The following NEMF variants were observed in gnomAD, a reference collection of about 807,000 sequenced individuals.
NEMF encodes nuclear export mediator factor, also known as ribosome quality control complex subunit NEMF.
In NEMF, 89 loss-of-function variants were observed where a neutral mutation model predicts 162.2. The ratio of observed to expected loss-of-function variants is 0.55; its 90% CI spans 0.46 to 0.65. The LOEUF is 0.65. Among genes scored for constraint, NEMF ranks in the 30% least tolerant of loss-of-function variants. The pLI is 0.00. For missense variants in NEMF, 1,133 were observed against 1,261.9 expected (o/e 0.90, Z 1.55); for synonymous variants, 421 against 404.5 (o/e 1.04, Z -0.49).
chr14:49,785,575 TAC>T (rs148985928), intron 29 of NEMF: 1 of 381,538 alleles, frequency 2.6e-6, no homozygotes. Context: ...AAATCCTACC[TAC>T]AGTTACATTT....
chr14:49,809,056 A>G (rs1000943755), intron 18 of NEMF, among the ~76,000 whole-genome samples: 4 of 152,288 alleles, frequency 2.6e-5, no homozygotes, highest in Non-Finnish European at 4.4e-5. Context: ...GTGGAACAAC[A>G]GGAACTCCCA....
chr14:49,826,285 T>C (rs1156972775), intron 15 of NEMF, among the ~76,000 whole-genome samples: 3 of 152,094 alleles, frequency 2.0e-5, no homozygotes, highest in Admixed American at 1.3e-4. Flanking sequence ...ATTAGAGATA[T>C]AAGAGTGAAC....
intron 4 of NEMF, among the ~76,000 whole-genome samples, chr14:49,844,615 C>T (rs1031153135): frequency 1.3e-5 from 2 of 152,080 alleles, no homozygotes; most frequent in South Asian, 4.1e-4. Context: ...ATACTGCACA[C>T]TTGGGCTACA....
chr14:49,828,180 T>A, intron 15 of NEMF, 111 bp downstream of exon 15: 2 of 823,538 alleles, frequency 2.4e-6, no homozygotes, highest in Non-Finnish European at 4.1e-6. Flanking sequence ...AAAGTTAAGT[T>A]TGAAAGATAC....
chr14:49,821,995 GATCT>G (rs1892087029), intron 16 of NEMF, among the ~76,000 whole-genome samples: 1 of 152,086 alleles, frequency 6.6e-6, no homozygotes, highest in Non-Finnish European at 1.5e-5. Flanking sequence ...GGATCCTGTT[GATCT>G]ATGACCTTAC....
At chr14:49,814,072 A>C (rs1891607528) in intron 17 of NEMF, 22 bp from the exon 18 acceptor site, 2 of 1,377,716 alleles carry the variant, frequency 1.5e-6, no homozygotes, top group South Asian at 2.4e-5. Context: ...ACAAATAAAA[A>C]ATGACACTTT....
intron 29 of NEMF, chr14:49,785,663 G>A (rs2139815531): frequency 4.4e-6 from 1 of 227,134 alleles, no homozygotes; most frequent in Admixed American, 5.1e-5. Context: ...TGAGGCGGGT[G>A]GATCGCTTGA....
At chr14:49,800,013 G>T (rs1181378870) in intron 23 of NEMF, among the ~76,000 whole-genome samples, 2 of 152,110 alleles carry the variant, frequency 1.3e-5, no homozygotes, top group African/African-American at 2.4e-5. Context: ...TTTTCCCAAG[G>T]ACGCACCCTA....
chr14:49,823,570 C>T (rs759967615), intron 16 of NEMF, among the ~76,000 whole-genome samples: 15 of 151,838 alleles, frequency 9.9e-5, no homozygotes, highest in Non-Finnish European at 2.2e-4. Flanking sequence ...AAACGATAGA[C>T]TTGAAAATAG....
intron 26 of NEMF, among the ~76,000 whole-genome samples, chr14:49,792,121 C>T (rs1890481158): frequency 6.6e-6 from 1 of 150,644 alleles, no homozygotes; most frequent in African/African-American, 2.4e-5. Context: ...CCAGCCTGGG[C>T]AACAAAGTAA....
At position 49,828,354 on chromosome 14, in the gene NEMF, C is replaced by T. The variant is rs372920573; in HGVS notation, c.1425G>A (p.Lys475=). ...LSLSAYANAK[K]YYDHKRYAAK... ...CAGCATATCTCTTGTGATCATAATA[C>T]CTAGAAAAACATATTTCTCTTAAAT... The change falls in exon 15 of 33, where the codon AAG becomes AAA. Residue 475 remains lysine (K), a splice_region_variant and synonymous_variant. Transcript: ENST00000298310. 4 of 1,552,344 alleles carry T rather than the reference C, an allele frequency of 2.6e-6. No individual in the cohort carries two copies. The highest frequency in any genetic ancestry group is 1.4e-5 in the African/African-American group (1 of 72,818).
chr14:49,825,895 A>C lies in NEMF; in HGVS notation c.1549T>G (p.Ser517Ala). ...TATACTTTTCTTGCTTTTTGAATAG[A>C]GGTAACAGTCTGAACTTCTTTTAAT... Reference protein sequence around the residue: ...QTLKEVQTVTSIQKARKVYWF... With the variant: ...QTLKEVQTVTAIQKARKVYWF... The change falls in exon 16 of 33, where the codon TCT becomes GCT. Residue 517 changes from serine (S) to alanine (A), a missense_variant. Coordinates refer to ENST00000298310, the MANE Select transcript of NEMF (RefSeq NM_004713.6). 2 of 1,608,918 alleles carry C rather than the reference A, an allele frequency of 1.2e-6. No homozygotes were observed. The highest frequency in any genetic ancestry group is 1.7e-6 in the Non-Finnish European group (2 of 1,176,002).
intron 18 of NEMF, among the ~76,000 whole-genome samples, chr14:49,811,176 A>G (rs1049746750): frequency 1.2e-4 from 18 of 152,202 alleles, no homozygotes; most frequent in Admixed American, 5.9e-4. Flanking sequence ...TCTTTTGGTA[A>G]ATTGATTCCT....
chr14:49,806,293 GCT>G (rs1891213739), intron 18 of NEMF, among the ~76,000 whole-genome samples, 160 bp from the exon 19 acceptor site: 1 of 69,230 alleles, frequency 1.4e-5, no homozygotes, highest in East Asian at 5.3e-4. Flanking sequence ...ATGGAGTTTC[GCT>G]CTGTTGTTCT....
rs1472802239 is a variant in NEMF, at chr14:49,829,258, A to G, written c.1028T>C (p.Ile343Thr). ...RLEALQQAQE[I>T]DKLKGELIEM... ...TATGAGCTCTCCTTTCAGTTTGTCTATTTCCTTAAAAAACAAACCACACAC... is the reference window on the plus strand; with the variant it reads ...TATGAGCTCTCCTTTCAGTTTGTCTGTTTCCTTAAAAAACAAACCACACAC... The change falls in exon 13 of 33, where the codon ATA becomes ACA. Residue 343 changes from isoleucine to threonine, a missense_variant. Ile to Thr is a moderately conservative substitution (Grantham distance 89). This residue lies in a region of NEMF where 582 missense variants were observed against 631.5 expected (regional missense o/e 0.92). Transcript: ENST00000298310. 2 of 1,613,866 alleles carry G rather than the reference A, an allele frequency of 1.2e-6. No individual in the cohort carries two copies. The highest frequency in any genetic ancestry group is 8.5e-7 in the Non-Finnish European group (1 of 1,179,944).
At chr14:49,839,011 G>A (rs1000453110) in intron 5 of NEMF, among the ~76,000 whole-genome samples, 10 of 152,194 alleles carry the variant, frequency 6.6e-5, no homozygotes, top group South Asian at 4.1e-4. Flanking sequence ...TTAGCAGAGG[G>A]TGGGGGTGGC....
chr14:49,838,939 C>A (rs1382721819), intron 5 of NEMF, among the ~76,000 whole-genome samples: 1 of 151,998 alleles, frequency 6.6e-6, no homozygotes, highest in Non-Finnish European at 1.5e-5. Flanking sequence ...ATACCAGCAT[C>A]AGCATTACCT....
At chr14:49,809,892 T>C (rs1891390374) in intron 18 of NEMF, among the ~76,000 whole-genome samples, 1 of 151,750 alleles carries the variant, frequency 6.6e-6, no homozygotes, top group Non-Finnish European at 1.5e-5. Context: ...ATGCAAACTA[T>C]GGACTCTGGG....
intron 16 of NEMF, among the ~76,000 whole-genome samples, chr14:49,815,336 A>C (rs918121582): frequency 5.3e-5 from 8 of 152,200 alleles, no homozygotes; most frequent in Non-Finnish European, 1.0e-4. Flanking sequence ...TAGGAGGATA[A>C]AATTACAACT....
Sources: gnomAD v4.1 joint callset for allele counts (sites outside exome capture counted in the v4.1 genomes callset) on GRCh38, gnomAD v4.1.1 for gene constraint, gnomAD v4.1.1 regional missense constraint, MANE v1.5 for transcripts, NCBI Gene and HGNC (gene_info 2026-07-23, HGNC 2026-07-21) for gene names.